The following IL36A variants were observed in gnomAD, a reference collection of about 807,000 sequenced individuals.
IL36A encodes the protein interleukin 36 alpha.
Under a neutral mutation model 12.7 loss-of-function variants are expected in IL36A, and 13 were observed. That is an observed-to-expected ratio of 1.02 (90% confidence interval 0.67 to 1.63). The LOEUF (loss-of-function observed/expected upper bound fraction) is 1.63. Among genes scored for constraint, IL36A ranks in the 40% most tolerant of loss-of-function variants. IL36A has a pLI of 0.00. For synonymous variants in IL36A, 73 were observed against 71.9 expected (o/e 1.01, Z -0.08); for missense variants, 195 against 192.9 (o/e 1.01, Z -0.07).
At chr2:113,009,443 A>G (rs972790206), downstream of IL36A, among the ~76,000 whole-genome samples, 1 of 151,096 alleles carries the variant, frequency 6.6e-6, no homozygotes. Context: ...GGATTAAGAA[A>G]ATGAAGCTTT....
At chr2:113,006,255 T>C (rs1684619816) in intron 2 of IL36A, among the ~76,000 whole-genome samples, 168 bp downstream of exon 2, 1 of 152,092 alleles carries the variant, frequency 6.6e-6, no homozygotes, top group African/African-American at 2.4e-5. Flanking sequence ...TCTGGGACTA[T>C]GGTCATGAAG....
downstream of IL36A, among the ~76,000 whole-genome samples, chr2:113,010,948 T>C (rs2105030611): frequency 6.6e-6 from 1 of 152,308 alleles, no homozygotes; most frequent in South Asian, 2.1e-4. Flanking sequence ...TCAGATATCG[T>C]ATCTGTAAGT....
chr2:113,005,923 G>A, intron 1 of IL36A, 42 bp downstream of exon 1: 2 of 1,613,066 alleles, frequency 1.2e-6, no homozygotes, highest in Non-Finnish European at 8.5e-7. Flanking sequence ...ACAAGGGGGT[G>A]ATATTCTGTG....
downstream of IL36A, among the ~76,000 whole-genome samples, chr2:113,010,125 G>A (rs1025244896): frequency 6.6e-6 from 1 of 152,110 alleles, no homozygotes; most frequent in African/African-American, 2.4e-5. Flanking sequence ...CTGTTGTAAT[G>A]TTTACTTTCC....
At chr2:113,007,202 T>C (rs2105027564) in intron 3 of IL36A, among the ~76,000 whole-genome samples, 1 of 152,288 alleles carries the variant, frequency 6.6e-6, no homozygotes, top group South Asian at 2.1e-4. Flanking sequence ...TTGACCCTTT[T>C]CAGTAAACAA....
Position 113,005,894 on chromosome 2 carries a change from G to A in IL36A, c.10+13G>A, listed in dbSNP as rs200879333. On this transcript the variant is annotated intron_variant, in intron 1 of 3. Coordinates refer to ENST00000259211, the MANE Select transcript of IL36A (RefSeq NM_014440.3). ...ACAATGGAAAAAGGTAAAGATCCTCGTGGAAGGGCGAAAAATTGACAAGGG... is the reference window on the plus strand; with the variant it reads ...ACAATGGAAAAAGGTAAAGATCCTCATGGAAGGGCGAAAAATTGACAAGGG... 3.4e-5 allele frequency: 55 copies of A among 1,614,070 alleles called. No homozygotes were observed. In the African/African-American group the frequency reaches 4.1e-4, roughly 12 times the overall value.
chr2:113,008,901 T>G (rs1226359226), downstream of IL36A, among the ~76,000 whole-genome samples: 1 of 151,700 alleles, frequency 6.6e-6, no homozygotes, highest in East Asian at 1.9e-4. Context: ...ACATGTGCCA[T>G]GCTGGTATGC....
At position 113,005,618 on chromosome 2, in the gene IL36A, C is replaced by T. The variant is rs1684598030; in HGVS notation, c.-254C>T. ...TGGCACTCTTTGTCATATTAGAGTTCCTGGGTCTAGGCCTGGGCAGGATTC... is the reference window on the plus strand; with the variant it reads ...TGGCACTCTTTGTCATATTAGAGTTTCTGGGTCTAGGCCTGGGCAGGATTC... On this transcript the variant is annotated 5_prime_UTR_variant, in exon 1 of 4. Transcript: ENST00000259211. 1.2e-5 allele frequency: 7 copies of T among 581,696 alleles called. No individual in the cohort carries two copies. Among genetic ancestry groups the T allele is most frequent in the Non-Finnish European group, 1.5e-5 (5 of 324,756 alleles). 36.0% of individuals were successfully genotyped at this position (581,696 alleles called of 1,614,324 possible). A position where few individuals can be genotyped will look rare whatever the true frequency, so the allele number is the denominator to read the frequency against.
At position 113,006,755 on chromosome 2, in the gene IL36A, G is replaced by C. The variant is rs2105027145; in HGVS notation, c.264+18G>C. 6 of 1,610,706 alleles carry C rather than the reference G, an allele frequency of 3.7e-6. No individual in the cohort carries two copies. Among genetic ancestry groups the C allele is most frequent in the Non-Finnish European group, 5.1e-6 (6 of 1,178,846 alleles). ...AGCTGAAGGTGAGTGTGGAAGACAG[G>C]TCCTGCCATTTATTTGATGGAAACT... On this transcript the variant is annotated intron_variant, in intron 3 of 3. Coordinates refer to ENST00000259211, the MANE Select transcript of IL36A (RefSeq NM_014440.3).
Position 113,005,529 on chromosome 2 carries a change from C to A in IL36A, c.-343C>A. On this transcript the variant is annotated 5_prime_UTR_variant, in exon 1 of 4. Coordinates refer to ENST00000259211, the MANE Select transcript of IL36A (RefSeq NM_014440.3). ...TACAGGGTCCTTCGTAACAGATTATCAGTGTGGCCTATGCTGGAAAGTCTG... is the reference window on the plus strand; with the variant it reads ...TACAGGGTCCTTCGTAACAGATTATAAGTGTGGCCTATGCTGGAAAGTCTG... The A allele has an allele frequency of 2.3e-6, 1 of 426,254 alleles. No individual in the cohort carries two copies. Among genetic ancestry groups the A allele is most frequent in the East Asian group, 4.4e-5 (1 of 22,838 alleles). 26.4% of individuals were successfully genotyped at this position (426,254 alleles called of 1,614,324 possible).
In IL36A at chr2:113,007,918, C is replaced by T; in HGVS notation, c.351C>T (p.Thr117=). The T allele has an allele frequency of 1.2e-6, 2 of 1,614,170 alleles. No homozygotes were observed. The highest frequency in any genetic ancestry group is 1.7e-6 in the Non-Finnish European group (2 of 1,180,014). The change falls in exon 4 of 4, where the codon ACC becomes ACT. Residue 117 remains threonine, a synonymous_variant. Transcript: ENST00000259211. ...ACAGCCAGAGTGGCAGGAACTCCAC[C>T]TTCGAGTCTGTGGCTTTCCCTGGCT... ...FYHSQSGRNS[T]FESVAFPGWF... is the part of the protein sequence containing the mutation.
downstream of IL36A, among the ~76,000 whole-genome samples, chr2:113,009,668 G>A (rs1287313045): frequency 1.3e-5 from 2 of 152,202 alleles, no homozygotes; most frequent in Non-Finnish European, 2.9e-5. Flanking sequence ...GTTGGGGAGG[G>A]TGGTATCTTC....
intron 2 of IL36A, 47 bp downstream of exon 2, chr2:113,006,134 TTG>T (rs1439817484): frequency 2.5e-5 from 31 of 1,223,378 alleles, no homozygotes; most frequent in Non-Finnish European, 3.8e-5. Flanking sequence ...GCCAGTGCTG[TTG>T]TGTGTTTGGT....
At chr2:113,009,360 C>T (rs1489687325), downstream of IL36A, among the ~76,000 whole-genome samples, 2 of 151,910 alleles carry the variant, frequency 1.3e-5, no homozygotes, top group South Asian at 2.1e-4. Context: ...CACATGCACA[C>T]GTATGTTTAT....
intron 2 of IL36A, 67 bp downstream of exon 2, chr2:113,006,154 T>A: frequency 9.8e-7 from 1 of 1,016,862 alleles, no homozygotes; most frequent in East Asian, 2.4e-5. Context: ...GGTGCTCAGA[T>A]GTTATTCCAC....
At position 113,006,753 on chromosome 2, in the gene IL36A, A is replaced by G. The variant is rs1684631700; in HGVS notation, c.264+16A>G. ...GCAGCTGAAGGTGAGTGTGGAAGAC[A>G]GGTCCTGCCATTTATTTGATGGAAA... On this transcript the variant is annotated intron_variant, in intron 3 of 3. Transcript: ENST00000259211. 2 of 1,610,942 alleles carry G rather than the reference A, an allele frequency of 1.2e-6. No individual in the cohort carries two copies. Among genetic ancestry groups the G allele is most frequent in the Admixed American group, 3.4e-5 (2 of 59,266 alleles).
At chr2:113,008,097 C>A (rs917658618), downstream of IL36A, 2 of 1,454,878 alleles carry the variant, frequency 1.4e-6, no homozygotes, top group African/African-American at 1.4e-5. Context: ...TTAGTATAAT[C>A]TTAGCCTGGA....
chr2:113,010,081 A>G (rs1684705985), downstream of IL36A, among the ~76,000 whole-genome samples: 1 of 152,176 alleles, frequency 6.6e-6, no homozygotes, highest in African/African-American at 2.4e-5. Context: ...TTCTTGCCGT[A>G]TTATGATTCC....
chr2:113,006,006 A>G lies in IL36A; in HGVS notation c.43A>G (p.Ile15Val), dbSNP rs1684609654. ...LKIDTPQQGS[I>V]QDINHRVWVL... ...AATTGACACACCTCAGCAGGGGAGCATTCAGGATATCAATCATCGGGTGTG... is the reference window on the plus strand; with the variant it reads ...AATTGACACACCTCAGCAGGGGAGCGTTCAGGATATCAATCATCGGGTGTG... Residue 15 changes from isoleucine to valine, a missense_variant, in exon 2 of 4, where the codon ATT becomes GTT. Physicochemically the swap from Ile to Val is conservative, Grantham distance 29 (BLOSUM62 3). Coordinates refer to ENST00000259211, the MANE Select transcript of IL36A (RefSeq NM_014440.3). The G allele has an allele frequency of 1.9e-6, 3 of 1,614,054 alleles. No homozygotes were observed. The highest frequency in any genetic ancestry group is 1.7e-6 in the Non-Finnish European group (2 of 1,179,918).
Sources: gnomAD v4.1 joint callset for allele counts (sites outside exome capture counted in the v4.1 genomes callset) on GRCh38, gnomAD v4.1.1 for gene constraint, MANE v1.5 for transcripts, NCBI Gene and HGNC (gene_info 2026-07-23, HGNC 2026-07-21) for gene names.